The following RDH16 variants were observed in gnomAD, a reference collection of about 807,000 sequenced individuals.
RDH16 encodes human epidermal retinol dehydrogenase.
RDH16 carries 25 observed loss-of-function variants against 22.3 expected under a neutral mutation model. The observed-to-expected ratio is 1.12, with a 90% confidence interval of 0.82 to 1.56. The LOEUF (loss-of-function observed/expected upper bound fraction) is 1.56. RDH16 is among the 40% of genes most tolerant of loss of function. The pLI, the probability that RDH16 is intolerant of heterozygous loss-of-function variation, is 0.00. For missense variants in RDH16, 413 were observed against 394.9 expected, an observed-to-expected ratio of 1.05 and a Z score of -0.39; for synonymous variants, 154 against 164.4, an observed-to-expected ratio of 0.94 and a Z score of 0.48.
rs775124082 is a variant in RDH16, at chr12:56,952,292, G to A, written c.737-46C>T. On this transcript the variant is annotated intron_variant, in intron 3 of 3. Coordinates refer to ENST00000398138, the MANE Select transcript of RDH16 (RefSeq NM_003708.5). The stretch of plus-strand genomic sequence containing the variant: ...TCCATGTATATTTCCACCTCTAACC[G>A]CTCCTGCTTTGGATTCAACTTAGAG... 290 of 1,557,572 alleles carry A rather than the reference G, an allele frequency of 1.9e-4. 1 individual carries two copies. The highest frequency in any genetic ancestry group is 3.4e-4 in the Middle Eastern group (2 of 5,952).
chr12:56,953,718 G>A (rs1955903369), intron 2 of RDH16, among the ~76,000 whole-genome samples: 1 of 152,138 alleles, frequency 6.6e-6, no homozygotes, highest in Non-Finnish European at 1.5e-5. Context: ...GCCTTTCCCA[G>A]TCTTCCTTAC....
chr12:56,957,236 C>T lies in RDH16; in HGVS notation c.227G>A (p.Arg76Lys). The change falls in exon 1 of 4, where the codon AGG (arginine) becomes AAG (lysine). Residue 76 changes from arginine (R) to lysine (K), a missense_variant. Arg to Lys is a conservative substitution (Grantham distance 26). Transcript: ENST00000398138. Reference protein sequence around the residue: ...AEQLRGQTSDRLETVTLDVTK... With the variant: ...AEQLRGQTSDKLETVTLDVTK... Reference sequence around the variant, plus strand: ...AACATCCAGGGTCACCGTCTCCAGCCTGTCTGAAGTCTGGCCCCTCAGCTG... The same window carrying T: ...AACATCCAGGGTCACCGTCTCCAGCTTGTCTGAAGTCTGGCCCCTCAGCTG... 1 of 1,614,182 alleles carries T rather than the reference C, an allele frequency of 6.2e-7. No individual in the cohort carries two copies. Among genetic ancestry groups the T allele is most frequent in the South Asian group, 1.1e-5 (1 of 91,076 alleles).
Position 56,951,952 on chromosome 12 carries a change from C to A in RDH16, c.*77G>T. On this transcript the variant is annotated 3_prime_UTR_variant, in exon 4 of 4. Transcript: ENST00000398138. ...CTGACCGGACGGCTCCCTCCCTCCA[C>A]TTTATATCTCTCCCAAGGATACACC... 7.4e-7 allele frequency: 1 copy of A among 1,357,428 alleles called. No homozygotes were observed. Among genetic ancestry groups the A allele is most frequent in the Non-Finnish European group, 1.0e-6 (1 of 962,404 alleles). The allele number at this position is 1,357,428 out of a possible 1,614,324, so 84.1% of individuals were successfully genotyped here.
chr12:56,956,067 A>G (rs1460843591), intron 1 of RDH16, among the ~76,000 whole-genome samples: 3 of 152,154 alleles, frequency 2.0e-5, no homozygotes, highest in Non-Finnish European at 4.4e-5. Context: ...GTTGATCTGG[A>G]AGGGTTGGCC....
rs1955883805 is a variant in RDH16, at chr12:56,952,004, T to A, written c.*25A>T. 6.9e-6 allele frequency: 11 copies of A among 1,604,300 alleles called. No homozygotes were observed. The highest frequency in any genetic ancestry group is 9.4e-6 in the Non-Finnish European group (11 of 1,171,358). On this transcript the variant is annotated 3_prime_UTR_variant, in exon 4 of 4. Coordinates refer to ENST00000398138, the MANE Select transcript of RDH16 (RefSeq NM_003708.5). ...CCCCTCATAGCACACCCCAAATCCA[T>A]GCAACCATGCATCCAACCTTAGCTT... is the stretch of plus-strand genomic sequence containing the variant.
chr12:56,951,718 C>T lies in RDH16; in HGVS notation c.*311G>A, dbSNP rs891012143. The T allele has an allele frequency of 2.5e-6, 1 of 392,648 alleles. No individual in the cohort carries two copies. Among genetic ancestry groups the T allele is most frequent in the Non-Finnish European group, 4.7e-6 (1 of 210,718 alleles). The allele number at this position is 392,648 out of a possible 1,614,324, so 24.3% of individuals were successfully genotyped here. A position where few individuals can be genotyped will look rare whatever the true frequency, so the allele number is the denominator to read the frequency against. On this transcript the variant is annotated 3_prime_UTR_variant, in exon 4 of 4. Transcript: ENST00000398138. Reference sequence around the variant, plus strand: ...CTGAGGCTCCTTCCACCTGCTCACACCCACCCCAGTTGTTAGCCCAAGGAT... The same window carrying T: ...CTGAGGCTCCTTCCACCTGCTCACATCCACCCCAGTTGTTAGCCCAAGGAT...
chr12:56,956,827 G>A (rs535318443), intron 1 of RDH16, among the ~76,000 whole-genome samples: 1 of 152,144 alleles, frequency 6.6e-6, no homozygotes, highest in South Asian at 2.1e-4. Flanking sequence ...GCTCCAGCAA[G>A]TCTCCAGATC....
rs1955913422 is a variant in RDH16, at chr12:56,954,940, T to C, written c.538A>G (p.Lys180Glu). 11 of 1,613,988 alleles carry C rather than the reference T, an allele frequency of 6.8e-6. No individual in the cohort carries two copies. The highest frequency in any genetic ancestry group is 3.3e-4 in the Middle Eastern group (2 of 6,082). Residue 180 changes from lysine to glutamate, a missense_variant, in exon 2 of 4, where the codon AAG (lysine) becomes GAG (glutamate). Coordinates refer to ENST00000398138, the MANE Select transcript of RDH16 (RefSeq NM_003708.5). ...SLFGGGYCISKYGVEAFSDSL... is the reference protein window; with the variant it reads ...SLFGGGYCISEYGVEAFSDSL... ...TCAGAGAAGGCTTCCACGCCATACT[T>C]GGAGATGCAGTAGCCTCCACCAAAA...
At chr12:56,954,786 G>T in intron 2 of RDH16, 120 bp downstream of exon 2, 1 of 1,063,368 alleles carries the variant, frequency 9.4e-7, no homozygotes, top group Non-Finnish European at 1.4e-6. Flanking sequence ...CACACATGAA[G>T]ACAGAGAGTG....
rs1484597491 is a variant in RDH16 at position 56,957,553 on chromosome 12, G to A, written c.-91C>T. ...GGAGGATTTAAGAACACAGAGGGCT[G>A]TGGTAGGCAGGGAAGCCCTCAGGCA... On this transcript the variant is annotated 5_prime_UTR_variant, in exon 1 of 4. Transcript: ENST00000398138. 3 of 1,418,048 alleles carry A rather than the reference G, an allele frequency of 2.1e-6. No individual in the cohort carries two copies. In the African/African-American group the frequency reaches 4.3e-5, roughly 20 times the overall value. The allele number at this position is 1,418,048 out of a possible 1,614,324, so 87.8% of individuals were successfully genotyped here.
Position 56,957,605 on chromosome 12 carries a change from C to T in RDH16, c.-143G>A, listed in dbSNP as rs553397319. On this transcript the variant is annotated 5_prime_UTR_variant, in exon 1 of 4. Transcript: ENST00000398138. ...TTTGGCAGGGAATCCTCACTTTCCTCCCTGATGACTGCCTTTCTGCAACAT... is the reference window on the plus strand; with the variant it reads ...TTTGGCAGGGAATCCTCACTTTCCTTCCTGATGACTGCCTTTCTGCAACAT... 5 of 845,984 alleles carry T rather than the reference C, an allele frequency of 5.9e-6. No individual in the cohort carries two copies. In the African/African-American group the frequency reaches 8.5e-5, roughly 14 times the overall value. The allele number at this position is 845,984 out of a possible 1,614,324, so 52.4% of individuals were successfully genotyped here.
chr12:56,952,272 G>A (rs1248911526), intron 3 of RDH16, 26 bp from the exon 4 acceptor site: 1 of 1,605,020 alleles, frequency 6.2e-7, no homozygotes, highest in Non-Finnish European at 8.5e-7. Context: ...AACAATCCAT[G>A]TATATTTCCA....
chr12:56,957,344 C>A lies in RDH16; in HGVS notation c.119G>T (p.Gly40Val), dbSNP rs771558044. ...KYVFITGCDS[G>V]FGKLLARQLD... ...CTGTCTGGCCAGCAGTTTCCCGAAG[C>A]CAGAGTCACAGCCCGTGATGAACAC... Residue 40 changes from glycine to valine, a missense_variant, in exon 1 of 4, where the codon GGC (glycine) becomes GTC (valine). Gly to Val is a moderately radical substitution (Grantham distance 109). Transcript: ENST00000398138. 1 of 1,614,202 alleles carries A rather than the reference C, an allele frequency of 6.2e-7. No homozygotes were observed. Among genetic ancestry groups the A allele is most frequent in the South Asian group, 1.1e-5 (1 of 91,074 alleles).
chr12:56,952,910 C>A lies in RDH16; in HGVS notation c.653G>T (p.Arg218Ile), dbSNP rs139020643. Residue 218 changes from arginine to isoleucine, a missense_variant, in exon 3 of 4, where the codon AGA becomes ATA. Arg to Ile is a moderately conservative substitution (Grantham distance 97). Coordinates refer to ENST00000398138, the MANE Select transcript of RDH16 (RefSeq NM_003708.5). ...YFKTAVTSKE[R>I]FLKSFLEIWD... is the part of the protein sequence containing the mutation. ...AATCTCCAGGAAGCTCTTTAAGAAT[C>A]TCTCCTTACTGGTCACAGCAGTCTT... 4.5e-4 allele frequency: 726 copies of A among 1,614,062 alleles called. 5 individuals carry two copies. Among genetic ancestry groups the A allele is most frequent in the Middle Eastern group, 1.6e-3 (10 of 6,062 alleles).
At chr12:56,955,749 T>A (rs1272048594) in intron 1 of RDH16, among the ~76,000 whole-genome samples, 1 of 152,110 alleles carries the variant, frequency 6.6e-6, no homozygotes, top group Admixed American at 6.5e-5. Context: ...CCTGCATCAG[T>A]AACATTTTTA....
chr12:56,952,808 C>G lies in RDH16; in HGVS notation c.736+19G>C, dbSNP rs1053120657. 3 of 1,605,338 alleles carry G rather than the reference C, an allele frequency of 1.9e-6. No individual in the cohort carries two copies. The highest frequency in any genetic ancestry group is 2.6e-6 in the Non-Finnish European group (3 of 1,175,842). ...ACACGAGGGTTTGCTTCTCTCCCCACTGTCCACAGCTTACTCACAGTCTGC... is the reference window on the plus strand; with the variant it reads ...ACACGAGGGTTTGCTTCTCTCCCCAGTGTCCACAGCTTACTCACAGTCTGC... On this transcript the variant is annotated intron_variant, in intron 3 of 3. Coordinates refer to ENST00000398138, the MANE Select transcript of RDH16 (RefSeq NM_003708.5).
chr12:56,955,533 C>A (rs1955920500), intron 1 of RDH16, among the ~76,000 whole-genome samples: 1 of 152,170 alleles, frequency 6.6e-6, no homozygotes, highest in Admixed American at 6.5e-5. Flanking sequence ...ACATTACAGA[C>A]ATACAGCTGC....
chr12:56,953,031 T>C, intron 2 of RDH16, 41 bp from the exon 3 acceptor site: 1 of 1,559,060 alleles, frequency 6.4e-7, no homozygotes, highest in Non-Finnish European at 8.7e-7. Context: ...TTCGGGGGTC[T>C]TGGAAGGTAA....
chr12:56,952,747 A>G (rs1955893215), intron 3 of RDH16, 80 bp downstream of exon 3: 1 of 1,507,386 alleles, frequency 6.6e-7, no homozygotes, highest in South Asian at 1.3e-5. Flanking sequence ...TCAAACTCTA[A>G]TGCCCTTCAG....
Sources: allele counts gnomAD v4.1 joint callset (sites outside exome capture counted in the v4.1 genomes callset), GRCh38; gene constraint gnomAD v4.1.1; transcripts MANE v1.5; gene names NCBI Gene and HGNC (gene_info 2026-07-23, HGNC 2026-07-21).